SULT4A1: variants seen among roughly 807,000 people sequenced by gnomAD.
SULT4A1 encodes the protein sulfotransferase family 4A member 1.
In SULT4A1, 11 loss-of-function variants were observed where a neutral mutation model predicts 35.2. The observed-to-expected ratio is 0.31, with a 90% CI of 0.20 to 0.52. SULT4A1 has a LOEUF of 0.52. Among genes scored for constraint, SULT4A1 ranks in the 20% least tolerant of loss-of-function variants. The pLI, the probability that SULT4A1 is intolerant of heterozygous loss-of-function variation, is 0.97. For missense variants in SULT4A1, 271 were observed against 383.7 expected (o/e 0.71, Z 2.45); for synonymous variants, 152 against 151.8 (o/e 1.00, Z -0.01).
intron 4 of SULT4A1, 149 bp downstream of exon 4, chr22:43,838,718 T>G (rs1244535756): frequency 2.9e-5 from 30 of 1,029,076 alleles, no homozygotes; most frequent in Non-Finnish European, 4.2e-5. Flanking sequence ...TCGGCCTCAG[T>G]GTCTTCATCT....
chr22:43,833,050 T>C (rs2063336055), intron 5 of SULT4A1, among the ~76,000 whole-genome samples: 1 of 152,080 alleles, frequency 6.6e-6, no homozygotes, highest in South Asian at 2.1e-4. Context: ...AGTCCACATC[T>C]GCACCCCATC....
rs550696475 is a variant in SULT4A1 at position 43,862,320 on chromosome 22, C to T, written c.63G>A (p.Glu21=). The T allele has an allele frequency of 3.9e-6, 6 of 1,557,414 alleles. No individual in the cohort carries two copies. Among genetic ancestry groups the T allele is most frequent in the Non-Finnish European group, 5.2e-6 (6 of 1,150,438 alleles). ...AGGGCGGCAGCCGCACGCCATGGAA[C>T]TCGAAGTACTTGCTCTCGAACTCCC... The part of the protein sequence containing the change: ...TPGEFESKYF[E]FHGVRLPPFC... Residue 21 remains glutamate (E), a synonymous_variant, in exon 1 of 7, where the codon GAG becomes GAA. Transcript: ENST00000330884.
At chr22:43,833,595 C>G in intron 5 of SULT4A1, 45 bp downstream of exon 5, 1 of 1,525,830 alleles carries the variant, frequency 6.6e-7, no homozygotes, top group Admixed American at 1.9e-5. Context: ...GCTGCCAGGC[C>G]GAGGGCCAGG....
chr22:43,841,145 T>C (rs2063424821), intron 2 of SULT4A1, among the ~76,000 whole-genome samples: 1 of 152,110 alleles, frequency 6.6e-6, no homozygotes, highest in African/African-American at 2.4e-5. Flanking sequence ...GAGAGCAAAA[T>C]GGCCGTTCAG....
chr22:43,861,710 C>G (rs2049470994), intron 1 of SULT4A1, among the ~76,000 whole-genome samples: 1 of 152,248 alleles, frequency 6.6e-6, no homozygotes, highest in Non-Finnish European at 1.5e-5. Context: ...TGGTCCCATC[C>G]CCCACCCGGA....
At chr22:43,836,223 A>C (rs1379979957) in intron 4 of SULT4A1, among the ~76,000 whole-genome samples, 1 of 130,068 alleles carries the variant, frequency 7.7e-6, no homozygotes, top group African/African-American at 3.2e-5. Context: ...GACCCTGTCC[A>C]CACAGCGTCC....
rs2063322608 is a variant in SULT4A1 at position 43,831,150 on chromosome 22, C to T, written c.604-1952G>A. ...ACGGACTGAAAGCAACAGGTCTGAC[C>T]ACTTTCACTGGGGAGCCTGGAAGGC... On this transcript the variant is annotated intron_variant, in intron 5 of 6. Transcript: ENST00000330884. Among the ~76,000 whole-genome samples the T allele has an allele frequency of 1.3e-5, 2 of 151,800 alleles. 1 individual carries two copies. Among genetic ancestry groups the T allele is most frequent in the South Asian group, 4.2e-4 (2 of 4,746 alleles).
chr22:43,860,345 C>G (rs780589123), intron 1 of SULT4A1, among the ~76,000 whole-genome samples: 19 of 152,218 alleles, frequency 1.2e-4, no homozygotes, highest in Non-Finnish European at 2.2e-4. Flanking sequence ...TTCCCCAGCC[C>G]CTAGCAAAGC....
chr22:43,861,640 C>T (rs1485340792), intron 1 of SULT4A1, among the ~76,000 whole-genome samples: 2 of 152,222 alleles, frequency 1.3e-5, no homozygotes, highest in African/African-American at 4.8e-5. Context: ...GGTCCTGCCT[C>T]GGTGATGGAG....
rs910593098 is a variant in SULT4A1, at chr22:43,827,232, A to C, written c.743-1119T>G. 3.0e-6 allele frequency: 3 copies of C among 985,292 alleles called. No homozygotes were observed. In the African/African-American group the frequency reaches 5.2e-5, roughly 17 times the overall value. 61.0% of individuals were successfully genotyped at this position (985,292 alleles called of 1,614,324 possible). The stretch of plus-strand genomic sequence containing the variant: ...GCTCTGTCTCCAGCAAATGTCCTTC[A>C]CTAGCTCCGTTATTAACAGCGGTCC... On this transcript the variant is annotated intron_variant, in intron 6 of 6. Coordinates refer to ENST00000330884, the MANE Select transcript of SULT4A1 (RefSeq NM_014351.4).
At chr22:43,838,466 T>C (rs544706591) in intron 4 of SULT4A1, among the ~76,000 whole-genome samples, 99 of 152,372 alleles carry the variant, frequency 6.5e-4, no homozygotes, top group African/African-American at 2.2e-3. Context: ...CAAAGGCCCA[T>C]GCCTGTCACA....
At chr22:43,845,948 C>G (rs1356722325) in intron 1 of SULT4A1, among the ~76,000 whole-genome samples, 1 of 152,224 alleles carries the variant, frequency 6.6e-6, no homozygotes, top group Non-Finnish European at 1.5e-5. Context: ...CGCAAAACCA[C>G]TCCCTGGTGC....
At chr22:43,839,886 G>T in intron 3 of SULT4A1, 59 bp downstream of exon 3, 1 of 1,500,568 alleles carries the variant, frequency 6.7e-7, no homozygotes, top group South Asian at 1.2e-5. Flanking sequence ...ATTGCACAGG[G>T]ACCTTGGGCT....
At chr22:43,858,003 T>A (rs138104) in intron 1 of SULT4A1, among the ~76,000 whole-genome samples, 34,130 of 142,250 alleles carry the variant, frequency 0.24, 4,204 homozygotes, top group African/African-American at 0.33. Flanking sequence ...TGAGCCATGA[T>A]TGCATCACTG....
intron 6 of SULT4A1, among the ~76,000 whole-genome samples, chr22:43,827,977 G>A (rs992362338): frequency 1.3e-5 from 2 of 152,180 alleles, no homozygotes; most frequent in Admixed American, 1.3e-4. Context: ...TATAAGAGAC[G>A]GCACTTTGCA....
intron 3 of SULT4A1, 93 bp from the exon 4 acceptor site, chr22:43,839,086 C>A: frequency 1.3e-6 from 2 of 1,530,850 alleles, no homozygotes. Context: ...CCTGCTGGTG[C>A]ACCTCACAAA....
Position 43,862,305 on chromosome 22 carries a change from C to T in SULT4A1, c.78G>A (p.Arg26=). Residue 26 remains arginine, a synonymous_variant, in exon 1 of 7, where the codon CGG becomes CGA. Transcript: ENST00000330884. ...TCTTCCCGCGGCAGAAGGGCGGCAG[C>T]CGCACGCCATGGAACTCGAAGTACT... ...ESKYFEFHGV[R]LPPFCRGKME... 1 of 1,568,992 alleles carries T rather than the reference C, an allele frequency of 6.4e-7. No homozygotes were observed. The highest frequency in any genetic ancestry group is 2.5e-5 in the East Asian group (1 of 40,146).
chr22:43,852,411 C>T (rs1447882554), intron 1 of SULT4A1, among the ~76,000 whole-genome samples: 1 of 151,588 alleles, frequency 6.6e-6, no homozygotes, highest in Non-Finnish European at 1.5e-5. Context: ...CTCCTAGGCT[C>T]AAGCAATTCT....
At chr22:43,833,528 C>T (rs1244928865) in intron 5 of SULT4A1, 112 bp downstream of exon 5, 4 of 703,470 alleles carry the variant, frequency 5.7e-6, no homozygotes, top group South Asian at 1.7e-5. Context: ...CTCTGTCCCT[C>T]CTCAGACCCC....
Sources: gnomAD v4.1 joint callset for allele counts (sites outside exome capture counted in the v4.1 genomes callset) on GRCh38, gnomAD v4.1.1 for gene constraint, MANE v1.5 for transcripts, NCBI Gene and HGNC (gene_info 2026-07-23, HGNC 2026-07-21) for gene names.